The following TAB2 variants were observed in gnomAD, a reference collection of about 807,000 sequenced individuals.
TAB2 encodes the protein TGF-beta-activated kinase 1 and MAP3K7-binding protein 2.
Under a neutral mutation model 65.0 loss-of-function variants are expected in TAB2, and 3 were observed. That is an observed-to-expected ratio of 0.05 (90% CI 0.02 to 0.12). TAB2 has a LOEUF of 0.12. TAB2 is among the 10% of genes least tolerant of loss of function. The pLI is 1.00. For missense variants in TAB2, 623 were observed against 840.3 expected, an observed-to-expected ratio of 0.74 and a Z score of 3.20; for synonymous variants, 298 against 285.1, an observed-to-expected ratio of 1.05 and a Z score of -0.46.
chr6:149,241,215 C>A (rs1020269943), intron 1 of TAB2, among the ~76,000 whole-genome samples: 9 of 152,144 alleles, frequency 5.9e-5, no homozygotes, highest in African/African-American at 2.2e-4. Flanking sequence ...TTGTTTAAGA[C>A]ACCCAGTCTA....
At chr6:149,309,373 T>A (rs1249253244) in intron 1 of TAB2, among the ~76,000 whole-genome samples, 1 of 151,856 alleles carries the variant, frequency 6.6e-6, no homozygotes, top group African/African-American at 2.4e-5. Flanking sequence ...GTCATACCAA[T>A]GCCTCCCCAC....
chr6:149,259,657 T>C (rs1189964543), intron 1 of TAB2, among the ~76,000 whole-genome samples: 1 of 152,222 alleles, frequency 6.6e-6, no homozygotes, highest in Non-Finnish European at 1.5e-5. Flanking sequence ...GTCTTATAGA[T>C]GCTTATTCAT....
chr6:149,285,559 G>A (rs2114689646), intron 1 of TAB2, among the ~76,000 whole-genome samples: 1 of 152,356 alleles, frequency 6.6e-6, no homozygotes, highest in Admixed American at 6.5e-5. Context: ...GTGTGAAAGA[G>A]GGAGATGGTT....
chr6:149,301,269 A>G (rs1275050086), intron 1 of TAB2, among the ~76,000 whole-genome samples: 1 of 152,226 alleles, frequency 6.6e-6, no homozygotes. Flanking sequence ...GGACATTTGA[A>G]TTCTCTGTCC....
intron 1 of TAB2, chr6:149,247,817 C>G (rs1374256060): frequency 6.6e-6 from 1 of 152,188 alleles, no homozygotes; most frequent in East Asian, 1.9e-4. Context: ...GCCACGGAAC[C>G]GGTAGTGTCC....
intron 2 of TAB2, among the ~76,000 whole-genome samples, chr6:149,374,375 A>C (rs181092748): frequency 6.6e-6 from 1 of 152,014 alleles, no homozygotes; most frequent in African/African-American, 2.4e-5. Flanking sequence ...GTCCTACTCT[A>C]CCTGGCTAAT....
intron 6 of TAB2, chr6:149,400,630 A>G (rs1397326803): frequency 6.2e-7 from 1 of 1,614,132 alleles, no homozygotes; most frequent in Admixed American, 1.7e-5. Flanking sequence ...GAAATGGAAG[A>G]TGAAGATACA....
At chr6:149,244,049 C>G (rs1157690560) in intron 1 of TAB2, 1 of 152,220 alleles carries the variant, frequency 6.6e-6, no homozygotes, top group Non-Finnish European at 1.5e-5. Flanking sequence ...ATCAAAGAAG[C>G]ACATAACTTC....
At chr6:149,388,808 TAGTC>T (rs1290062321) in intron 3 of TAB2, among the ~76,000 whole-genome samples, 19 of 152,176 alleles carry the variant, frequency 1.2e-4, no homozygotes, top group Non-Finnish European at 1.8e-4. Context: ...ACCTTTTAGT[TAGTC>T]AATAAAATTT....
chr6:149,369,783 A>G (rs1781159351), intron 1 of TAB2, 126 bp from the exon 2 acceptor site: 1 of 603,784 alleles, frequency 1.7e-6, no homozygotes, highest in East Asian at 2.7e-5. Flanking sequence ...TTTTAGGTCT[A>G]AATATTTTTA....
chr6:149,358,154 G>A (rs1176538712), intron 1 of TAB2, among the ~76,000 whole-genome samples: 2 of 152,190 alleles, frequency 1.3e-5, no homozygotes, highest in Non-Finnish European at 2.9e-5. Context: ...TATTAGAAAT[G>A]CTTGGGACCA....
intron 2 of TAB2, among the ~76,000 whole-genome samples, chr6:149,371,367 C>T (rs1358966220): frequency 6.6e-6 from 1 of 152,100 alleles, no homozygotes; most frequent in Non-Finnish European, 1.5e-5. Flanking sequence ...TATAGCTTGA[C>T]TAGGGCATAC....
At chr6:149,289,767 G>A (rs1018370218) in intron 1 of TAB2, among the ~76,000 whole-genome samples, 6 of 152,210 alleles carry the variant, frequency 3.9e-5, no homozygotes, top group Admixed American at 2.6e-4. Flanking sequence ...GAGAACATGC[G>A]CCTAAGTTGG....
chr6:149,401,229 T>C (rs1177985487), intron 6 of TAB2: 1 of 166,988 alleles, frequency 6.0e-6, no homozygotes, highest in Non-Finnish European at 1.5e-5. Context: ...AGAAAGTTTT[T>C]CCTTCAAGTC....
chr6:149,339,608 T>A lies in TAB2; in HGVS notation c.-90+21593T>A, dbSNP rs1185615184. ...TTTTTTATTTATTTATTTATTTATT[T>A]TTTTTTTTTTTTGAGACGGAGTCTC... is the stretch of plus-strand genomic sequence containing the variant. On this transcript the variant is annotated intron_variant, in intron 1 of 6. Transcript: ENST00000637181. Among the ~76,000 whole-genome samples, 378 of 105,472 alleles carry A rather than the reference T, an allele frequency of 3.6e-3. 5 individuals carry two copies. The highest frequency in any genetic ancestry group is 9.7e-3 in the African/African-American group (274 of 28,140). 69.2% of individuals were successfully genotyped at this position (105,472 alleles called of 152,430 possible).
chr6:149,323,188 G>A (rs1410936771), intron 1 of TAB2, among the ~76,000 whole-genome samples: 1 of 152,076 alleles, frequency 6.6e-6, no homozygotes, highest in Non-Finnish European at 1.5e-5. Context: ...TTAATTTTAA[G>A]CACTGAATAA....
chr6:149,293,806 A>T (rs1778825563), intron 1 of TAB2, among the ~76,000 whole-genome samples: 1 of 152,238 alleles, frequency 6.6e-6, no homozygotes, highest in Admixed American at 6.5e-5. Flanking sequence ...TGATAATATG[A>T]AAAGAACCAT....
At chr6:149,398,158 T>C in intron 5 of TAB2, 96 bp downstream of exon 5, 6 of 1,055,464 alleles carry the variant, frequency 5.7e-6, no homozygotes, top group Non-Finnish European at 7.2e-6. Flanking sequence ...ATAATCTTAC[T>C]GTCTCAGAAC....
intron 1 of TAB2, among the ~76,000 whole-genome samples, chr6:149,271,537 A>T (rs1336062393): frequency 2.6e-5 from 4 of 152,164 alleles, no homozygotes; most frequent in African/African-American, 9.7e-5. Context: ...AGCACAAGCT[A>T]CTTCCTTTTT....
Sources: allele counts gnomAD v4.1 joint callset (sites outside exome capture counted in the v4.1 genomes callset), GRCh38; gene constraint gnomAD v4.1.1; transcripts MANE v1.5; gene names NCBI Gene and HGNC (gene_info 2026-07-23, HGNC 2026-07-21).